The following ALS2 variants were observed in gnomAD, a reference collection of about 807,000 sequenced individuals.
ALS2 encodes the protein alsin Rho guanine nucleotide exchange factor ALS2.
A neutral mutation model predicts 203.4 loss-of-function variants in ALS2; 117 were observed. The observed-to-expected ratio is 0.58, with a 90% CI of 0.50 to 0.67. The LOEUF (loss-of-function observed/expected upper bound fraction) is 0.67. Among genes scored for constraint, ALS2 ranks in the 30% least tolerant of loss-of-function variants. ALS2 has a pLI of 0.00. For synonymous variants in ALS2, 718 were observed against 725.9 expected (o/e 0.99, Z 0.17); for missense variants, 1,715 against 1,989.4 (o/e 0.86, Z 2.62).
chr2:201,738,451 G>A (rs995847720), intron 12 of ALS2: 6 of 556,632 alleles, frequency 1.1e-5, no homozygotes, highest in African/African-American at 3.8e-5. Context: ...CCCCGAACCT[G>A]AGCCTAGTCA....
intron 23 of ALS2, among the ~76,000 whole-genome samples, chr2:201,720,573 G>C (rs1484831594): frequency 6.7e-6 from 1 of 148,320 alleles, no homozygotes; most frequent in African/African-American, 2.5e-5. Flanking sequence ...AATTAGCCAG[G>C]CATGGTGGCA....
intron 15 of ALS2, 49 bp from the exon 16 acceptor site, chr2:201,727,824 C>CGGG: frequency 6.6e-7 from 1 of 1,505,222 alleles, no homozygotes; most frequent in Non-Finnish European, 9.0e-7. Flanking sequence ...ATGTAGACCT[C>CGGG]GGGGACTCTG....
In ALS2 at chr2:201,757,471, C is replaced by T. The variant is rs1412043555; in HGVS notation, c.1402G>A (p.Val468Met). ...TCTGTTTCTTCTTCTCTGATATCCACAAGACTTGAACTTTTCTTTCCTTGC... is the reference window on the plus strand; with the variant it reads ...TCTGTTTCTTCTTCTCTGATATCCATAAGACTTGAACTTTTCTTTCCTTGC... ...SMQGKKSSSL[V>M]DIREEETEGG... Residue 468 changes from valine to methionine, a missense_variant, in exon 5 of 34, where the codon GTG (valine) becomes ATG (methionine). Coordinates refer to ENST00000264276, the MANE Select transcript of ALS2 (RefSeq NM_020919.4). The T allele has an allele frequency of 2.5e-5, 40 of 1,614,056 alleles. No homozygotes were observed. The highest frequency in any genetic ancestry group is 1.7e-4 in the Middle Eastern group (1 of 6,058).
At chr2:201,720,775 C>T (rs998684787) in intron 23 of ALS2, among the ~76,000 whole-genome samples, 16 of 151,710 alleles carry the variant, frequency 1.1e-4, no homozygotes, top group African/African-American at 3.6e-4. Context: ...AAATAGAAAA[C>T]AATGTAAAGA....
rs752751086 is a variant in ALS2 at position 201,707,888 on chromosome 2, A to G, written c.4384T>C (p.Ser1462Pro). 4 of 1,613,498 alleles carry G rather than the reference A, an allele frequency of 2.5e-6. No individual in the cohort carries two copies. The highest frequency in any genetic ancestry group is 3.4e-6 in the Non-Finnish European group (4 of 1,179,618). Residue 1462 changes from serine (S) to proline (P), a missense_variant, in exon 28 of 34, where the codon TCT (serine) becomes CCT (proline). This residue lies in a region of ALS2 where 1,227 missense variants were observed against 1,413.5 expected (regional missense o/e 0.87). Transcript: ENST00000264276. ...ATTTACCCTGGCTCTGGTGATTCAG[A>G]TCGGGAATCTGACTTCCCAGTGCAA... ...SFCTGKSDSR[S>P]ESPEPGYVVT...
chr2:201,707,391 G>C (rs906325706), intron 28 of ALS2, among the ~76,000 whole-genome samples: 2 of 151,784 alleles, frequency 1.3e-5, no homozygotes, highest in Non-Finnish European at 2.9e-5. Flanking sequence ...TAGTACTTGA[G>C]AGAACTAAGA....
chr2:201,774,386 G>A (rs1694559473), intron 1 of ALS2, among the ~76,000 whole-genome samples: 1 of 152,200 alleles, frequency 6.6e-6, no homozygotes, highest in Non-Finnish European at 1.5e-5. Context: ...TTTTGTGGTG[G>A]GAGGATAAGG....
Position 201,727,109 on chromosome 2 carries a change from T to C in ALS2, c.2979+103A>G. The C allele has an allele frequency of 8.9e-6, 10 of 1,125,650 alleles. No homozygotes were observed. The South Asian group carries it at 1.1e-4, about 13-fold the overall frequency. The allele number at this position is 1,125,650 out of a possible 1,614,324, so 69.7% of individuals were successfully genotyped here. A position where few individuals can be genotyped will look rare whatever the true frequency, so the allele number is the denominator to read the frequency against. On this transcript the variant is annotated intron_variant, in intron 17 of 33. Coordinates refer to ENST00000264276, the MANE Select transcript of ALS2 (RefSeq NM_020919.4). ...AATGAAGATTTATCAGACAGAACTGTGCATCATTAGTCAAGCAAGAACAAT... is the reference window on the plus strand; with the variant it reads ...AATGAAGATTTATCAGACAGAACTGCGCATCATTAGTCAAGCAAGAACAAT...
At chr2:201,735,951 C>T (rs1691850527) in intron 12 of ALS2, among the ~76,000 whole-genome samples, 1 of 152,128 alleles carries the variant, frequency 6.6e-6, no homozygotes. Context: ...TCTTTCTGCT[C>T]CATTTAATTA....
Position 201,733,363 on chromosome 2 carries a change from T to G in ALS2, c.2493A>C (p.Glu831Asp). 6.2e-7 allele frequency: 1 copy of G among 1,612,660 alleles called. No homozygotes were observed. Among genetic ancestry groups the G allele is most frequent in the Non-Finnish European group, 8.5e-7 (1 of 1,178,970 alleles). The part of the protein sequence containing the change: ...EVNDENTQLM[E>D]ILNTLFFLPI... ...GCAAGAAAAACAAAGTATTCAGTATTTCCATCAACTGAGTGTTTTCGTCAT... is the reference window on the plus strand; with the variant it reads ...GCAAGAAAAACAAAGTATTCAGTATGTCCATCAACTGAGTGTTTTCGTCAT... The change falls in exon 13 of 34, where the codon GAA (glutamate) becomes GAC (aspartate). Residue 831 changes from glutamate (E) to aspartate (D), a missense_variant. By Grantham distance (45) the Glu-to-Asp change is conservative. This residue lies in a region of ALS2 where 1,227 missense variants were observed against 1,413.5 expected (regional missense o/e 0.87). Transcript: ENST00000264276.
chr2:201,710,036 G>T lies in ALS2; in HGVS notation c.4125C>A (p.Ala1375=). 2 of 1,613,796 alleles carry T rather than the reference G, an allele frequency of 1.2e-6. No individual in the cohort carries two copies. Among genetic ancestry groups the T allele is most frequent in the Middle Eastern group, 1.7e-4 (1 of 6,032 alleles). ...CCAGGGGGTGCAGAGGAGTGTCACA[G>T]GCCTGAGTAGGAAAAGAATCAATGA... ...YDDIRKYLIK[A]CDTPLHPLGR... Residue 1375 remains alanine (A), a splice_region_variant and synonymous_variant, in exon 27 of 34, where the codon GCC becomes GCA. Transcript: ENST00000264276.
intron 8 of ALS2, among the ~76,000 whole-genome samples, chr2:201,748,113 G>C (rs918655020): frequency 6.6e-6 from 1 of 152,080 alleles, no homozygotes; most frequent in Non-Finnish European, 1.5e-5. Flanking sequence ...GATAGTTTCA[G>C]CACTGACTCC....
chr2:201,775,105 G>A (rs1189420108), intron 1 of ALS2, among the ~76,000 whole-genome samples: 2 of 152,144 alleles, frequency 1.3e-5, no homozygotes, highest in Admixed American at 1.3e-4. Context: ...ATGTTAATCA[G>A]TGATTAGAAT....
intron 24 of ALS2, among the ~76,000 whole-genome samples, chr2:201,717,241 G>T (rs1259693478): frequency 6.6e-6 from 1 of 151,982 alleles, no homozygotes; most frequent in Non-Finnish European, 1.5e-5. Flanking sequence ...AAAGTGGGTG[G>T]ATCACTTGAG....
At chr2:201,771,263 T>C (rs1302499096) in intron 1 of ALS2, among the ~76,000 whole-genome samples, 2 of 152,072 alleles carry the variant, frequency 1.3e-5, no homozygotes, top group African/African-American at 4.8e-5. Context: ...GCCAGGCTGG[T>C]CTCGAACTCC....
chr2:201,770,571 A>G (rs1694330305), intron 1 of ALS2, among the ~76,000 whole-genome samples: 2 of 152,224 alleles, frequency 1.3e-5, no homozygotes, highest in Non-Finnish European at 2.9e-5. Flanking sequence ...CCTAATGCCC[A>G]GAACTTGTGA....
At chr2:201,714,562 G>T (rs1022938229) in intron 25 of ALS2, among the ~76,000 whole-genome samples, 9 of 152,200 alleles carry the variant, frequency 5.9e-5, no homozygotes, top group Admixed American at 3.9e-4. Flanking sequence ...TTACTTGTGA[G>T]TACAACTATA....
intron 1 of ALS2, among the ~76,000 whole-genome samples, chr2:201,772,417 T>C (rs190931091): frequency 1.2e-4 from 19 of 152,354 alleles, no homozygotes; most frequent in African/African-American, 4.6e-4. Flanking sequence ...AATAACACTT[T>C]TGGTGGCAAA....
intron 8 of ALS2, 26 bp from the exon 9 acceptor site, chr2:201,746,774 G>A (rs1692690740): frequency 3.1e-6 from 5 of 1,613,348 alleles, no homozygotes. Flanking sequence ...GATAGTGTCT[G>A]TCCAAGATAA....
Sources: gnomAD v4.1 joint callset for allele counts (sites outside exome capture counted in the v4.1 genomes callset) on GRCh38, gnomAD v4.1.1 for gene constraint, gnomAD v4.1.1 regional missense constraint, MANE v1.5 for transcripts, NCBI Gene and HGNC (gene_info 2026-07-23, HGNC 2026-07-21) for gene names.